The following GAD2 variants were observed in gnomAD, a reference collection of about 807,000 sequenced individuals.
The protein encoded by GAD2 is 65 kDa glutamic acid decarboxylase.
A neutral mutation model predicts 80.1 loss-of-function variants in GAD2; 22 were observed. The ratio of observed to expected loss-of-function variants is 0.27; its 90% CI spans 0.20 to 0.39. GAD2 has a LOEUF of 0.39. GAD2 is among the 10% of genes least tolerant of loss of function. The pLI is 1.00. For missense variants in GAD2, 624 were observed against 738.4 expected (o/e 0.85, Z 1.80); for synonymous variants, 274 against 256.9 (o/e 1.07, Z -0.64).
chr10:26,247,302 C>T (rs1844821279), intron 8 of GAD2, among the ~76,000 whole-genome samples: 1 of 152,144 alleles, frequency 6.6e-6, no homozygotes, highest in Non-Finnish European at 1.5e-5. Flanking sequence ...GACCAGAAGT[C>T]ACTCTCGTGG....
intron 11 of GAD2, among the ~76,000 whole-genome samples, chr10:26,274,589 C>A (rs972821593): frequency 6.6e-6 from 1 of 152,192 alleles, no homozygotes; most frequent in Admixed American, 6.5e-5. Context: ...GTCACACTGG[C>A]TCTGCCACTA....
rs771463595 is a variant in GAD2, at chr10:26,245,914, T to C, written c.841-7T>C. On this transcript the variant is annotated splice_region_variant and splice_polypyrimidine_tract_variant and intron_variant, in intron 7 of 15. Coordinates refer to ENST00000376261, the MANE Select transcript of GAD2 (RefSeq NM_001134366.2). The stretch of plus-strand genomic sequence containing the variant: ...ACTAATTGCAAATATATATATTTTT[T>C]TTACAGAGTCATTTTTCTCTCAAGA... 5 of 1,608,020 alleles carry C rather than the reference T, an allele frequency of 3.1e-6. No individual in the cohort carries two copies. In the South Asian group the frequency reaches 5.5e-5, roughly 18 times the overall value.
chr10:26,286,322 A>G (rs753799007), intron 12 of GAD2, 23 bp from the exon 13 acceptor site: 2 of 1,595,972 alleles, frequency 1.3e-6, no homozygotes, highest in Non-Finnish European at 1.7e-6. Context: ...AGAATTTCCT[A>G]AATTTTCTCT....
chr10:26,284,170 C>G (rs1345006011), intron 12 of GAD2, among the ~76,000 whole-genome samples: 4 of 152,044 alleles, frequency 2.6e-5, no homozygotes, highest in Non-Finnish European at 5.9e-5. Flanking sequence ...TATTGGCATC[C>G]AAGGAATAAT....
chr10:26,269,245 G>C, intron 9 of GAD2, 72 bp downstream of exon 9: 1 of 1,320,596 alleles, frequency 7.6e-7, no homozygotes, highest in South Asian at 1.4e-5. Context: ...AATGTGTTTT[G>C]GTTTTATTTT....
chr10:26,284,490 T>G (rs990504298), intron 12 of GAD2, among the ~76,000 whole-genome samples: 3 of 151,084 alleles, frequency 2.0e-5, no homozygotes, highest in African/African-American at 7.3e-5. Context: ...ATCATCTCAC[T>G]AAGGCCTTCT....
At chr10:26,220,048 C>T (rs2132269604) in intron 4 of GAD2, among the ~76,000 whole-genome samples, 1 of 152,240 alleles carries the variant, frequency 6.6e-6, no homozygotes, top group Non-Finnish European at 1.5e-5. Context: ...TCATTTATAA[C>T]ATTTATTTGG....
At chr10:26,297,707 A>C (rs1454362701) in intron 15 of GAD2, among the ~76,000 whole-genome samples, 7 of 152,312 alleles carry the variant, frequency 4.6e-5, no homozygotes. Context: ...AGCTTTATTG[A>C]TGATATCAGT....
intron 6 of GAD2, among the ~76,000 whole-genome samples, chr10:26,225,386 G>A (rs1844508241): frequency 6.6e-6 from 1 of 152,186 alleles, no homozygotes; most frequent in African/African-American, 2.4e-5. Flanking sequence ...TTGGTTTGAT[G>A]CAGAAAAGAA....
chr10:26,289,361 C>T (rs1420809476), intron 13 of GAD2, among the ~76,000 whole-genome samples: 1 of 152,182 alleles, frequency 6.6e-6, no homozygotes, highest in Admixed American at 6.5e-5. Context: ...TGTTGTCAGA[C>T]ATGCCTGGAG....
At chr10:26,254,302 ATTAG>A (rs916947151) in intron 8 of GAD2, among the ~76,000 whole-genome samples, 13 of 152,148 alleles carry the variant, frequency 8.5e-5, no homozygotes, top group African/African-American at 2.7e-4. Flanking sequence ...CTCCCAAAAC[ATTAG>A]TTAGATTATC....
At chr10:26,297,176 C>G (rs12240863) in intron 15 of GAD2, among the ~76,000 whole-genome samples, 33,981 of 151,910 alleles carry the variant, frequency 0.22, 4,108 homozygotes, top group African/African-American at 0.31. Flanking sequence ...ATCGGCTCAC[C>G]TCGGCCTCCC....
intron 8 of GAD2, among the ~76,000 whole-genome samples, chr10:26,248,069 C>G (rs11015010): frequency 0.057 from 8,686 of 152,150 alleles, 822 homozygotes; most frequent in African/African-American, 0.2. Flanking sequence ...AGGGCACCAA[C>G]CAAGGTGAAT....
At chr10:26,236,687 C>G (rs1589140108) in intron 7 of GAD2, among the ~76,000 whole-genome samples, 1 of 152,178 alleles carries the variant, frequency 6.6e-6, no homozygotes, top group East Asian at 1.9e-4. Flanking sequence ...AAACAGTGAC[C>G]TGTTTGGAAA....
intron 7 of GAD2, among the ~76,000 whole-genome samples, chr10:26,236,863 G>A (rs528148671): frequency 8.5e-5 from 13 of 152,078 alleles, no homozygotes; most frequent in East Asian, 5.8e-4. Context: ...GGCCCTCATC[G>A]CTCCCATGTT....
intron 11 of GAD2, among the ~76,000 whole-genome samples, chr10:26,274,671 T>C (rs1346550715): frequency 1.3e-5 from 2 of 152,162 alleles, no homozygotes; most frequent in East Asian, 1.9e-4. Flanking sequence ...TTGTGAGCCC[T>C]GGGCATGTGG....
intron 3 of GAD2, 49 bp downstream of exon 3, chr10:26,218,040 C>G: frequency 2.6e-6 from 4 of 1,525,884 alleles, no homozygotes; most frequent in Non-Finnish European, 3.5e-6. Context: ...CTCTCTCTGC[C>G]CCGCCCACCG....
chr10:26,228,323 A>G (rs1041390805), intron 6 of GAD2, among the ~76,000 whole-genome samples: 1 of 152,250 alleles, frequency 6.6e-6, no homozygotes, highest in Non-Finnish European at 1.5e-5. Flanking sequence ...AATCCCTGAC[A>G]ACTTTTGGAT....
At chr10:26,265,163 A>T (rs1564666373) in intron 8 of GAD2, among the ~76,000 whole-genome samples, 2 of 150,538 alleles carry the variant, frequency 1.3e-5, no homozygotes, top group Non-Finnish European at 2.9e-5. Context: ...GGATTTTTCC[A>T]GTCAACTTAA....
Sources: allele counts gnomAD v4.1 joint callset (sites outside exome capture counted in the v4.1 genomes callset), GRCh38; gene constraint gnomAD v4.1.1; transcripts MANE v1.5; gene names NCBI Gene and HGNC (gene_info 2026-07-23, HGNC 2026-07-21).